The following GARNL3 variants were observed in gnomAD, a reference collection of about 807,000 sequenced individuals.
The protein encoded by GARNL3 is GTPase-activating Rap/Ran-GAP domain-like protein 3.
In GARNL3, 63 loss-of-function variants were observed where a neutral mutation model predicts 125.0. The observed-to-expected ratio is 0.50, with a 90% CI of 0.41 to 0.62. The LOEUF (loss-of-function observed/expected upper bound fraction) is 0.62, where lower values mean the gene tolerates loss of function less well. Ranked by LOEUF, GARNL3 falls within the 20% of genes least tolerant of loss-of-function variation. GARNL3 has a pLI of 0.00. For synonymous variants in GARNL3, 439 were observed against 457.5 expected (o/e 0.96, Z 0.52); for missense variants, 994 against 1,244.0 (o/e 0.80, Z 3.02).
chr9:127,353,804 G>T, intron 17 of GARNL3, 42 bp from the exon 18 acceptor site: 1 of 1,331,108 alleles, frequency 7.5e-7, no homozygotes, highest in Non-Finnish European at 1.1e-6. Context: ...TGGAAAGCGT[G>T]GGCTGGGTTG....
chr9:127,305,371 A>G (rs2064924327), intron 2 of GARNL3, among the ~76,000 whole-genome samples: 1 of 151,974 alleles, frequency 6.6e-6, no homozygotes, highest in African/African-American at 2.4e-5. Flanking sequence ...TTTGTTGCCT[A>G]GTCTCCATTG....
chr9:127,345,340 A>C, intron 15 of GARNL3, 63 bp from the exon 16 acceptor site: 1 of 1,024,958 alleles, frequency 9.8e-7, no homozygotes, highest in Non-Finnish European at 1.4e-6. Context: ...TCAAATCACA[A>C]TTGTTTATCC....
At chr9:127,359,955 CCT>C (rs1412514574) in intron 21 of GARNL3, among the ~76,000 whole-genome samples, 4 of 152,010 alleles carry the variant, frequency 2.6e-5, no homozygotes, top group African/African-American at 9.7e-5. Flanking sequence ...AGTTTTCTGT[CCT>C]CTCTTCTATG....
rs943895757 is a variant in GARNL3, at chr9:127,293,346, G to A, written c.219+2104G>A. ...TTCAATTGTAAGAGTTTTTTATATA[G>A]TCTGGATAATTAGACACTTATCAGA... On this transcript the variant is annotated intron_variant, in intron 2 of 27. Coordinates refer to ENST00000373387, the MANE Select transcript of GARNL3 (RefSeq NM_032293.5). Among the ~76,000 whole-genome samples the A allele has an allele frequency of 7.2e-5, 11 of 152,262 alleles. No individual in the cohort carries two copies. In the South Asian group the frequency reaches 1.9e-3, roughly 26 times the overall value.
intron 2 of GARNL3, among the ~76,000 whole-genome samples, chr9:127,247,064 A>G (rs1368879962): frequency 6.6e-6 from 1 of 151,776 alleles, no homozygotes; most frequent in Non-Finnish European, 1.5e-5. Context: ...GAGGAATAAC[A>G]GCTGTCTTAG....
intron 2 of GARNL3, among the ~76,000 whole-genome samples, chr9:127,255,679 A>G (rs1427155467): frequency 6.6e-6 from 1 of 152,226 alleles, no homozygotes; most frequent in Non-Finnish European, 1.5e-5. Context: ...ATACACAGGT[A>G]GGTTTGAGAA....
rs61493807 is a variant in GARNL3 at position 127,304,530 on chromosome 9, CTT to C, written c.220-7084_220-7083del. On this transcript the variant is annotated intron_variant, in intron 2 of 27. Transcript: ENST00000373387. ...TCAAAATGGTCATAGTGGCTTTATTCTTTTTTTTTTTTTTTTTTTTTTTGAGA... is the reference window on the plus strand; with the variant it reads ...TCAAAATGGTCATAGTGGCTTTATTCTTTTTTTTTTTTTTTTTTTTTGAGA... 1.1e-3 allele frequency among the ~76,000 whole-genome samples: 108 copies of C among 99,246 alleles called. 1 individual carries two copies. The highest frequency in any genetic ancestry group is 1.6e-3 in the Non-Finnish European group (84 of 51,578). The allele number at this position is 99,246 out of a possible 152,430, so 65.1% of individuals were successfully genotyped here.
rs534792751 is a variant in GARNL3, at chr9:127,317,949, C to T, written c.439-114C>T. 1.3e-4 allele frequency: 99 copies of T among 765,584 alleles called. No individual in the cohort carries two copies. The African/African-American group carries it at 1.4e-3, about 10-fold the overall frequency. 47.4% of individuals were successfully genotyped at this position (765,584 alleles called of 1,614,324 possible). On this transcript the variant is annotated intron_variant, in intron 4 of 27. Transcript: ENST00000373387. Reference sequence around the variant, plus strand: ...AATGTGTTTATTCATATACATTCCCCTTGAGGAGAAAGAAGAAAGACTGGG... The same window carrying T: ...AATGTGTTTATTCATATACATTCCCTTTGAGGAGAAAGAAGAAAGACTGGG...
intron 1 of GARNL3, among the ~76,000 whole-genome samples, chr9:127,230,649 A>G (rs983059084): frequency 3.3e-5 from 5 of 149,896 alleles, no homozygotes; most frequent in African/African-American, 7.4e-5. Context: ...GTGAAACTCC[A>G]TCTCACCAAA....
At chr9:127,259,906 G>A (rs537507079), upstream of GARNL3, among the ~76,000 whole-genome samples, 2 of 152,136 alleles carry the variant, frequency 1.3e-5, no homozygotes. Context: ...AATTAACCAG[G>A]CATGTAGTCC....
intron 2 of GARNL3, among the ~76,000 whole-genome samples, chr9:127,256,361 C>T (rs1168582016): frequency 6.6e-6 from 1 of 152,184 alleles, no homozygotes; most frequent in African/African-American, 2.4e-5. Context: ...CAGACCTCCC[C>T]GGCTTCTGCT....
chr9:127,300,757 A>C, intron 2 of GARNL3: 1 of 361,694 alleles, frequency 2.8e-6, no homozygotes, highest in South Asian at 2.2e-5. Flanking sequence ...GCCTGGCCCT[A>C]TTTGGGTAAA....
intron 21 of GARNL3, among the ~76,000 whole-genome samples, chr9:127,358,432 C>A (rs779283270): frequency 5.3e-5 from 8 of 152,184 alleles, no homozygotes; most frequent in Non-Finnish European, 1.0e-4. Context: ...CTTCCAGACC[C>A]ACAGGCTACC....
chr9:127,311,831 C>T lies in GARNL3; in HGVS notation c.319+96C>T, dbSNP rs1375969778. 3 of 773,898 alleles carry T rather than the reference C, an allele frequency of 3.9e-6. No individual in the cohort carries two copies. The Admixed American group carries it at 6.1e-5, about 16-fold the overall frequency. 47.9% of individuals were successfully genotyped at this position (773,898 alleles called of 1,614,324 possible). A position where few individuals can be genotyped will look rare whatever the true frequency, so the allele number is the denominator to read the frequency against. On this transcript the variant is annotated intron_variant, in intron 3 of 27. Transcript: ENST00000373387. ...GGTATCCTATATGAGTGAAACTAGC[C>T]ATTTTAGGAACACTAACATCAGGGC...
In GARNL3 at chr9:127,252,720, A is replaced by G. The variant is rs1367633044; in HGVS notation, c.143+9471A>G. Among the ~76,000 whole-genome samples, 4 of 152,308 alleles carry G rather than the reference A, an allele frequency of 2.6e-5. No homozygotes were observed. The South Asian group carries it at 6.2e-4, about 24-fold the overall frequency. Reference sequence around the variant, plus strand: ...TCAAGTTCTATATTTTCTGTATGTGATCTTTGTTTTGGAATTTTTTGTTAA... The same window carrying G: ...TCAAGTTCTATATTTTCTGTATGTGGTCTTTGTTTTGGAATTTTTTGTTAA... On this transcript the variant is annotated intron_variant, in intron 2 of 10. Coordinates refer to the GARNL3 transcript ENST00000439286.
chr9:127,320,588 T>C (rs981851006), intron 5 of GARNL3, 127 bp from the exon 6 acceptor site: 4 of 639,846 alleles, frequency 6.3e-6, no homozygotes, highest in South Asian at 4.0e-5. Flanking sequence ...TGTTTGTTCA[T>C]TGATAACTCA....
chr9:127,290,716 TA>T (rs1174975061), intron 1 of GARNL3, among the ~76,000 whole-genome samples: 15 of 152,308 alleles, frequency 9.8e-5, no homozygotes, highest in African/African-American at 3.6e-4. Context: ...GGAAACTGTT[TA>T]AAACTGAATG....
At chr9:127,261,444 C>T (rs1263181137), upstream of GARNL3, among the ~76,000 whole-genome samples, 17 of 105,614 alleles carry the variant, frequency 1.6e-4, no homozygotes, top group South Asian at 2.3e-3. Flanking sequence ...GAGTTTTGCT[C>T]TTGTTGCCCA....
chr9:127,393,251 G>A lies in GARNL3; in HGVS notation c.3039G>A (p.Lys1013=). The change falls in exon 28 of 28, where the codon AAG becomes AAA. Residue 1013 remains lysine, a synonymous_variant. Coordinates refer to ENST00000373387, the MANE Select transcript of GARNL3 (RefSeq NM_032293.5). ...AFSDEDIIDL[K] ...CCGATGAAGACATTATAGACTTGAAGTAACAGAGTTGAATCTCATTTGCCA... is the reference window on the plus strand; with the variant it reads ...CCGATGAAGACATTATAGACTTGAAATAACAGAGTTGAATCTCATTTGCCA... The A allele has an allele frequency of 6.2e-7, 1 of 1,601,674 alleles. No homozygotes were observed. Among genetic ancestry groups the A allele is most frequent in the South Asian group, 1.1e-5 (1 of 90,792 alleles).
Sources: allele counts gnomAD v4.1 joint callset (sites outside exome capture counted in the v4.1 genomes callset), GRCh38; gene constraint gnomAD v4.1.1; transcripts MANE v1.5; gene names NCBI Gene and HGNC (gene_info 2026-07-23, HGNC 2026-07-21).